LRWD1: variants seen among roughly 807,000 people sequenced by gnomAD.
The protein encoded by LRWD1 is leucine-rich repeat and WD repeat-containing protein 1.
Under a neutral mutation model 75.6 loss-of-function variants are expected in LRWD1, and 76 were observed. That is an observed-to-expected ratio of 1.01 (90% confidence interval 0.84 to 1.22). LRWD1 has a LOEUF of 1.22. Ranked by LOEUF, LRWD1 falls within the 50% of genes most tolerant of loss-of-function variation. The probability of loss-of-function intolerance (pLI) is 0.00; values close to 1 mark genes in which losing one functional copy is unlikely to be tolerated. For synonymous variants in LRWD1, 487 were observed against 377.0 expected, an observed-to-expected ratio of 1.29 and a Z score of -3.38; for missense variants, 917 against 862.0, an observed-to-expected ratio of 1.06 and a Z score of -0.80.
Position 102,465,848 on chromosome 7 carries a change from C to G in LRWD1, c.112C>G (p.Leu38Val), listed in dbSNP as rs1471979849. Residue 38 changes from leucine (L) to valine (V), a missense_variant, in exon 2 of 15, where the codon CTG becomes GTG. Transcript: ENST00000292616. ...AGGATTGGAGCTGCTTTCCGAGCAC[C>G]TGGACCCCAAACTCCTGTGCCGCCT... ...LSGLELLSEH[L>V]DPKLLCRLTQ... 2 of 1,613,290 alleles carry G rather than the reference C, an allele frequency of 1.2e-6. No individual in the cohort carries two copies. The highest frequency in any genetic ancestry group is 1.7e-6 in the Non-Finnish European group (2 of 1,180,008).
Position 102,472,714 on chromosome 7 carries a change from G to C in LRWD1, c.1713G>C (p.Gly571=). 1.9e-6 allele frequency: 3 copies of C among 1,613,578 alleles called. No individual in the cohort carries two copies. The highest frequency in any genetic ancestry group is 2.5e-6 in the Non-Finnish European group (3 of 1,179,950). The change falls in exon 14 of 15, where the codon GGG becomes GGC. Residue 571 remains glycine (G), a synonymous_variant. Coordinates refer to ENST00000292616, the MANE Select transcript of LRWD1 (RefSeq NM_152892.3). Reference sequence around the variant, plus strand: ...CAGATAAGGGGATTGTGCTCTGTGGGGATGAGGAGGGCAACGTGTGGCTCT... The same window carrying C: ...CAGATAAGGGGATTGTGCTCTGTGGCGATGAGGAGGGCAACGTGTGGCTCT... ...ACPDKGIVLC[G]DEEGNVWLYD...
In LRWD1 at chr7:102,468,716, T is replaced by C; in HGVS notation, c.1020+62T>C. 3 of 1,536,852 alleles carry C rather than the reference T, an allele frequency of 2.0e-6. No homozygotes were observed. In the South Asian group the frequency reaches 3.6e-5, roughly 18 times the overall value. On this transcript the variant is annotated intron_variant, in intron 8 of 14. Coordinates refer to ENST00000292616, the MANE Select transcript of LRWD1 (RefSeq NM_152892.3). ...CCCGACTGACTCCTGAACAGCAGCATGGGGATGGATGCAGGCTCGGCCCCC... is the reference window on the plus strand; with the variant it reads ...CCCGACTGACTCCTGAACAGCAGCACGGGGATGGATGCAGGCTCGGCCCCC...
At chr7:102,465,489 CTTTTTTTTTTTTTT>C (rs1007523343) in intron 1 of LRWD1, 179 of 73,704 alleles carry the variant, frequency 2.4e-3, no homozygotes, top group Non-Finnish European at 3.1e-3. Flanking sequence ...GTAGTTGCAG[CTTTTTTTTTTTTTT>C]TTTTTTTTTT....
rs1798123455 is a variant in LRWD1, at chr7:102,469,570, T to G, written c.1229-4T>G. Reference sequence around the variant, plus strand: ...ACTTCTCCCCTACCCCACCCCCTCTTCAGCGGCCTCCTATGACAAGCGGAT... The same window carrying G: ...ACTTCTCCCCTACCCCACCCCCTCTGCAGCGGCCTCCTATGACAAGCGGAT... On this transcript the variant is annotated splice_region_variant and splice_polypyrimidine_tract_variant and intron_variant, in intron 9 of 14. Coordinates refer to ENST00000292616, the MANE Select transcript of LRWD1 (RefSeq NM_152892.3). 1 of 1,613,988 alleles carries G rather than the reference T, an allele frequency of 6.2e-7. No individual in the cohort carries two copies. The highest frequency in any genetic ancestry group is 1.1e-5 in the South Asian group (1 of 91,092).
At chr7:102,466,073 G>A in intron 2 of LRWD1, 22 bp downstream of exon 2, 1 of 1,613,540 alleles carries the variant, frequency 6.2e-7, no homozygotes, top group East Asian at 2.2e-5. Context: ...CCTCCCACCA[G>A]CTTCATACCT....
intron 8 of LRWD1, 60 bp downstream of exon 8, chr7:102,468,714 C>CA: frequency 6.5e-7 from 1 of 1,537,114 alleles, no homozygotes; most frequent in Non-Finnish European, 8.8e-7. Flanking sequence ...TGAACAGCAG[C>CA]ATGGGGATGG....
rs1255344236 is a variant in LRWD1, at chr7:102,472,624, CT to C, written c.1690+16del. 3 of 1,609,612 alleles carry C rather than the reference CT, an allele frequency of 1.9e-6. No individual in the cohort carries two copies. The highest frequency in any genetic ancestry group is 2.2e-5 in the South Asian group (2 of 90,950). On this transcript the variant is annotated intron_variant, in intron 13 of 14. Coordinates refer to ENST00000292616, the MANE Select transcript of LRWD1 (RefSeq NM_152892.3). ...CGCCTGCCCTGGTGAGCCTGCCCCC[CT>C]GCCCGCCCCATCCCGCGGGCTTCCG...
chr7:102,468,693 C>G lies in LRWD1; in HGVS notation c.1020+39C>G, dbSNP rs562601883. 24 of 1,548,412 alleles carry G rather than the reference C, an allele frequency of 1.5e-5. No individual in the cohort carries two copies. The African/African-American group carries it at 2.7e-4, about 18-fold the overall frequency. On this transcript the variant is annotated intron_variant, in intron 8 of 14. Transcript: ENST00000292616. ...CCTGTCCCTGCTGGGCAAGGGTGCC[C>G]GACTGACTCCTGAACAGCAGCATGG... is the stretch of plus-strand genomic sequence containing the variant.
rs773199549 is a variant in LRWD1 at position 102,469,599 on chromosome 7, C to T, written c.1254C>T (p.Ile418=). ...LFTASYDKRI[I]LWDIGVPNQD... ...CGGCCTCCTATGACAAGCGGATCAT[C>T]CTCTGGGACATCGGGGTGCCCAACC... The change falls in exon 10 of 15, where the codon ATC becomes ATT. Residue 418 remains isoleucine, a synonymous_variant. Coordinates refer to ENST00000292616, the MANE Select transcript of LRWD1 (RefSeq NM_152892.3). 4 of 1,614,208 alleles carry T rather than the reference C, an allele frequency of 2.5e-6. No homozygotes were observed. The highest frequency in any genetic ancestry group is 2.2e-5 in the East Asian group (1 of 44,890).
chr7:102,473,053 C>G lies in LRWD1; in HGVS notation c.*4C>G. The G allele has an allele frequency of 1.2e-6, 2 of 1,609,952 alleles. No individual in the cohort carries two copies. The highest frequency in any genetic ancestry group is 1.7e-6 in the Non-Finnish European group (2 of 1,177,312). On this transcript the variant is annotated 3_prime_UTR_variant, in exon 15 of 15. Coordinates refer to ENST00000292616, the MANE Select transcript of LRWD1 (RefSeq NM_152892.3). The stretch of plus-strand genomic sequence containing the variant: ...AGCCATCTGGGGGAGGATGTAGCCT[C>G]ACACCATCGCAAAGGACCAGGGACA...
chr7:102,469,585 G>A lies in LRWD1; in HGVS notation c.1240G>A (p.Asp414Asn). 6.2e-7 allele frequency: 1 copy of A among 1,614,180 alleles called. No individual in the cohort carries two copies. The highest frequency in any genetic ancestry group is 1.1e-5 in the South Asian group (1 of 91,084). Reference protein sequence around the residue: ...HETHLFTASYDKRIILWDIGV... With the variant: ...HETHLFTASYNKRIILWDIGV... ...CACCCCCTCTTCAGCGGCCTCCTATGACAAGCGGATCATCCTCTGGGACAT... is the reference window on the plus strand; with the variant it reads ...CACCCCCTCTTCAGCGGCCTCCTATAACAAGCGGATCATCCTCTGGGACAT... The change falls in exon 10 of 15, where the codon GAC (aspartate) becomes AAC (asparagine). Residue 414 changes from aspartate to asparagine, a missense_variant. Transcript: ENST00000292616.
intron 11 of LRWD1, chr7:102,471,880 A>G (rs1466027425): frequency 3.5e-6 from 1 of 288,438 alleles, no homozygotes; most frequent in Non-Finnish European, 6.7e-6. Flanking sequence ...CACCTGCTCT[A>G]CTTGGCTGCC....
In LRWD1 at chr7:102,472,545, GGTCCTGGCGCGGCTGCAATGGTC is replaced by G; in HGVS notation, c.1631_1653del (p.Leu544HisfsTer13). On this transcript the variant is annotated frameshift_variant, in exon 13 of 15. Coordinates refer to ENST00000292616, the MANE Select transcript of LRWD1 (RefSeq NM_152892.3). LOFTEE classifies it high-confidence loss of function. ...GCAGCCAGTCCACGGTGGCAGTGGTGGTCCTGGCGCGGCTGCAATGGTCGTCCACCGAGTTGGCCTACTTCTCG... is the reference window on the plus strand; with the variant it reads ...GCAGCCAGTCCACGGTGGCAGTGGTGGTCCACCGAGTTGGCCTACTTCTCG... The G allele has an allele frequency of 6.3e-7, 1 of 1,590,864 alleles. No homozygotes were observed. The highest frequency in any genetic ancestry group is 8.5e-7 in the Non-Finnish European group (1 of 1,170,062).
In LRWD1 at chr7:102,473,127, C is replaced by A; in HGVS notation, c.*78C>A. ...TGGGCCGATGGGGGTGGGGGGGGGT[C>A]TTTCAGTGAATATTTTTATTAAACT... On this transcript the variant is annotated 3_prime_UTR_variant, in exon 15 of 15. Transcript: ENST00000292616. 1 of 1,407,658 alleles carries A rather than the reference C, an allele frequency of 7.1e-7. No homozygotes were observed. Among genetic ancestry groups the A allele is most frequent in the Admixed American group, 2.2e-5 (1 of 44,944 alleles). 87.2% of individuals were successfully genotyped at this position (1,407,658 alleles called of 1,614,324 possible). A position where few individuals can be genotyped will look rare whatever the true frequency, so the allele number is the denominator to read the frequency against.
intron 1 of LRWD1, 66 bp from the exon 2 acceptor site, chr7:102,465,751 C>G (rs1234530620): frequency 8.3e-7 from 1 of 1,202,118 alleles, no homozygotes; most frequent in Non-Finnish European, 1.2e-6. Context: ...TTCTGAGGTA[C>G]CCGGGGCAGA....
At chr7:102,469,163 G>A (rs905886875) in intron 9 of LRWD1, 101 bp downstream of exon 9, 15 of 1,039,638 alleles carry the variant, frequency 1.4e-5, no homozygotes, top group African/African-American at 9.7e-5. Context: ...GAGCTCGGGC[G>A]CCTGCCGGGC....
rs568439903 is a variant in LRWD1, at chr7:102,468,465, C to T, written c.919+88C>T. ...GGATCAGGAGACAGAGCTTAAAAGGCGCCATCAAGGCTGGGAGGAGGAGGC... is the reference window on the plus strand; with the variant it reads ...GGATCAGGAGACAGAGCTTAAAAGGTGCCATCAAGGCTGGGAGGAGGAGGC... On this transcript the variant is annotated intron_variant, in intron 7 of 14. Coordinates refer to ENST00000292616, the MANE Select transcript of LRWD1 (RefSeq NM_152892.3). The T allele has an allele frequency of 2.5e-4, 391 of 1,535,154 alleles. 1 individual carries two copies. Among genetic ancestry groups the T allele is most frequent in the Middle Eastern group, 3.4e-4 (2 of 5,950 alleles).
At chr7:102,466,301 A>G in intron 3 of LRWD1, 31 bp downstream of exon 3, 2 of 1,560,722 alleles carry the variant, frequency 1.3e-6, no homozygotes, top group South Asian at 1.1e-5. Flanking sequence ...TTGTGTGCTT[A>G]GGAGCTGTGG....
chr7:102,468,494 A>G (rs536174565), intron 7 of LRWD1, 60 bp from the exon 8 acceptor site: 11 of 1,544,296 alleles, frequency 7.1e-6, no homozygotes, highest in East Asian at 2.4e-5. Flanking sequence ...AGGAGGCTGC[A>G]GGGAGGACCT....
Sources: gnomAD v4.1 joint callset for allele counts on GRCh38, gnomAD v4.1.1 for gene constraint, MANE v1.5 for transcripts, NCBI Gene and HGNC (gene_info 2026-07-23, HGNC 2026-07-21) for gene names.